Variants in SYNE1 observed in about 807,000 individuals in gnomAD.
SYNE1 encodes nesprin-1.
A neutral mutation model predicts 1,111.0 loss-of-function variants in SYNE1; 616 were observed. The observed-to-expected ratio is 0.55, with a 90% CI of 0.52 to 0.59. The LOEUF is 0.59. Among genes scored for constraint, SYNE1 ranks in the 20% least tolerant of loss-of-function variants. The probability of loss-of-function intolerance (pLI) is 0.00; values close to 1 mark genes in which losing one functional copy is unlikely to be tolerated. For synonymous variants in SYNE1, 3,855 were observed against 3,825.8 expected, an observed-to-expected ratio of 1.01 and a Z score of -0.28; for missense variants, 10,006 against 10,417.0, an observed-to-expected ratio of 0.96 and a Z score of 1.72.
At chr6:152,335,627 A>G (rs1174351293) in intron 76 of SYNE1, 1 of 152,110 alleles carries the variant, frequency 6.6e-6, no homozygotes, top group Non-Finnish European at 1.5e-5. Flanking sequence ...CAGAGAAAAA[A>G]CATCTTTAAG....
At chr6:152,213,816 T>G in intron 122 of SYNE1, 57 bp from the exon 123 acceptor site, 19 of 1,604,792 alleles carry the variant, frequency 1.2e-5, no homozygotes, top group East Asian at 2.2e-5. Context: ...CTTACTTCTC[T>G]AGCATATAAA....
chr6:152,159,797 A>G (rs1409889178), intron 131 of SYNE1, among the ~76,000 whole-genome samples: 1 of 152,090 alleles, frequency 6.6e-6, no homozygotes, highest in African/African-American at 2.4e-5. Context: ...GTAATATATA[A>G]CTTCTCTATT....
At chr6:152,163,585 C>T (rs2062988864) in intron 131 of SYNE1, among the ~76,000 whole-genome samples, 1 of 151,966 alleles carries the variant, frequency 6.6e-6, no homozygotes, top group Non-Finnish European at 1.5e-5. Flanking sequence ...CAGGATCATC[C>T]CTTTTTGCTT....
chr6:152,498,865 T>A, intron 10 of SYNE1, 73 bp from the exon 11 acceptor site: 1 of 899,892 alleles, frequency 1.1e-6, no homozygotes, highest in Non-Finnish European at 1.6e-6. Context: ...AAAACAAGAA[T>A]AAAATCAATG....
chr6:152,498,826 A>G lies in SYNE1; in HGVS notation c.889-34T>C, dbSNP rs74438176. The G allele has an allele frequency of 1.1e-3, 1,433 of 1,252,184 alleles. 17 individuals are homozygous for G. In the African/African-American group the frequency reaches 0.02, roughly 17 times the overall value. 77.6% of individuals were successfully genotyped at this position (1,252,184 alleles called of 1,614,324 possible). A position where few individuals can be genotyped will look rare whatever the true frequency, so the allele number is the denominator to read the frequency against. On this transcript the variant is annotated intron_variant, in intron 10 of 145. Coordinates refer to ENST00000367255, the MANE Select transcript of SYNE1 (RefSeq NM_182961.4). ...ATGAAAAGATAATATATAGAAATAT[A>G]ATATAAATCAGGGTCAAAAATTATT... is the stretch of plus-strand genomic sequence containing the variant.
intron 3 of SYNE1, among the ~76,000 whole-genome samples, chr6:152,543,714 A>C (rs888754557): frequency 6.6e-6 from 1 of 152,218 alleles, no homozygotes; most frequent in Admixed American, 6.5e-5. Context: ...CAACTGAAAA[A>C]TTCCAGTTGT....
intron 71 of SYNE1, 94 bp downstream of exon 71, chr6:152,350,524 T>C: frequency 6.4e-7 from 1 of 1,556,676 alleles, no homozygotes; most frequent in Non-Finnish European, 8.8e-7. Flanking sequence ...TACTAACCCG[T>C]ACCAGGCCTT....
chr6:152,417,326 G>A (rs540559774), intron 40 of SYNE1, among the ~76,000 whole-genome samples: 46 of 152,234 alleles, frequency 3.0e-4, no homozygotes, highest in African/African-American at 1.0e-3. Context: ...GTGAAACCCC[G>A]TCTCTACTAA....
chr6:152,184,948 T>C (rs2069380276), intron 128 of SYNE1, among the ~76,000 whole-genome samples: 1 of 152,178 alleles, frequency 6.6e-6, no homozygotes, highest in Non-Finnish European at 1.5e-5. Context: ...AGCACCTATT[T>C]ATGTTTTTGC....
At position 152,483,219 on chromosome 6, in the gene SYNE1, A is replaced by G; in HGVS notation, c.1216T>C (p.Ser406Pro). ...LFDWHIQLDK[S>P]LPAPLGTIGA... The stretch of plus-strand genomic sequence containing the variant: ...ATGGTGCCCAGAGGTGCAGGAAGAG[A>G]TTTATCAAGCTGTATATGCCAGTCA... Residue 406 changes from serine (S) to proline (P), a missense_variant, in exon 14 of 146, where the codon TCT (serine) becomes CCT (proline). This residue lies in a region of SYNE1 where 1,971 missense variants were observed against 2,084.1 expected (regional missense o/e 0.95). Transcript: ENST00000367255. 1.2e-6 allele frequency: 2 copies of G among 1,614,178 alleles called. No individual in the cohort carries two copies. Among genetic ancestry groups the G allele is most frequent in the Non-Finnish European group, 1.7e-6 (2 of 1,180,018 alleles).
chr6:152,188,666 A>G (rs1292234298), intron 128 of SYNE1, among the ~76,000 whole-genome samples: 3 of 151,978 alleles, frequency 2.0e-5, no homozygotes, highest in African/African-American at 7.2e-5. Flanking sequence ...TCTTAAAAAT[A>G]TTATGCCAGC....
At chr6:152,223,222 C>T (rs568208957) in intron 117 of SYNE1, among the ~76,000 whole-genome samples, 3 of 152,320 alleles carry the variant, frequency 2.0e-5, no homozygotes, top group South Asian at 2.1e-4. Flanking sequence ...TTACTATCCT[C>T]AGAAGAAGTT....
At position 152,401,261 on chromosome 6, in the gene SYNE1, G is replaced by A; in HGVS notation, c.6906C>T (p.Phe2302=). ...TEVAKGTLKD[F]TAQSTQVEKF... Reference sequence around the variant, plus strand: ...TCTCCACTTGTGTACTTTGAGCCGTGAAATCCTTCAGGGTTCCTTTTGCTA... The same window carrying A: ...TCTCCACTTGTGTACTTTGAGCCGTAAAATCCTTCAGGGTTCCTTTTGCTA... Residue 2302 remains phenylalanine (F), a synonymous_variant, in exon 47 of 146, where the codon TTC becomes TTT. Coordinates refer to ENST00000367255, the MANE Select transcript of SYNE1 (RefSeq NM_182961.4). The A allele has an allele frequency of 6.2e-7, 1 of 1,614,092 alleles. No individual in the cohort carries two copies.
At chr6:152,262,593 G>T (rs139417365) in intron 100 of SYNE1, among the ~76,000 whole-genome samples, 1 of 152,124 alleles carries the variant, frequency 6.6e-6, no homozygotes, top group African/African-American at 2.4e-5. Context: ...GGACACAGGA[G>T]GGTACAACAG....
At chr6:152,548,148 C>T (rs998587666) in intron 3 of SYNE1, among the ~76,000 whole-genome samples, 1 of 152,118 alleles carries the variant, frequency 6.6e-6, no homozygotes, top group Admixed American at 6.5e-5. Flanking sequence ...CATATGTGTC[C>T]AATGTTTGTT....
In SYNE1 at chr6:152,133,282, A is replaced by G; in HGVS notation, c.25995T>C (p.Ser8665=). The change falls in exon 143 of 146, where the codon AGT becomes AGC. Residue 8665 remains serine (S), a synonymous_variant. Coordinates refer to ENST00000367255, the MANE Select transcript of SYNE1 (RefSeq NM_182961.4). ...ATGTCTGTTTATTGCTTACCTGCTGACTACTTGACACGTCTAATAACTTCT... is the reference window on the plus strand; with the variant it reads ...ATGTCTGTTTATTGCTTACCTGCTGGCTACTTGACACGTCTAATAACTTCT... The part of the protein sequence containing the change: ...ELEKLLDVSS[S]QQDLSSWSSA... 6.2e-7 allele frequency: 1 copy of G among 1,614,104 alleles called. No homozygotes were observed. Among genetic ancestry groups the G allele is most frequent in the East Asian group, 2.2e-5 (1 of 44,876 alleles).
At chr6:152,468,334 C>T (rs2098783624) in intron 16 of SYNE1, among the ~76,000 whole-genome samples, 1 of 152,100 alleles carries the variant, frequency 6.6e-6, no homozygotes, top group Non-Finnish European at 1.5e-5. Flanking sequence ...GTTGCATTCA[C>T]ACAGTCCACA....
In SYNE1 at chr6:152,122,477, G is replaced by T; in HGVS notation, c.26353C>A (p.His8785Asn). The part of the protein sequence containing the change: ...ALSNNFARSF[H>N]PMLRYTNGPP... Reference sequence around the variant, plus strand: ...CCATTCGTGTATCTGAGCATGGGGTGGAATGACCGGGCAAAGTTGTTGGAG... The same window carrying T: ...CCATTCGTGTATCTGAGCATGGGGTTGAATGACCGGGCAAAGTTGTTGGAG... Residue 8785 changes from histidine (H) to asparagine (N), a missense_variant, in exon 146 of 146, where the codon CAC becomes AAC. His to Asn is a moderately conservative substitution (Grantham distance 68). Around this residue, in one of 7 missense-constraint regions of SYNE1, gnomAD observed 761 missense variants for 795.5 expected, o/e 0.96. Coordinates refer to ENST00000367255, the MANE Select transcript of SYNE1 (RefSeq NM_182961.4). 3 of 1,614,192 alleles carry T rather than the reference G, an allele frequency of 1.9e-6. No individual in the cohort carries two copies. The highest frequency in any genetic ancestry group is 1.1e-5 in the South Asian group (1 of 91,080).
intron 55 of SYNE1, chr6:152,381,619 A>T: frequency 1.8e-6 from 1 of 541,306 alleles, no homozygotes; most frequent in Non-Finnish European, 3.3e-6. Flanking sequence ...CCCTGAAATC[A>T]GGCATTATTC....
Sources: gnomAD v4.1 joint callset for allele counts (sites outside exome capture counted in the v4.1 genomes callset) on GRCh38, gnomAD v4.1.1 for gene constraint, gnomAD v4.1.1 regional missense constraint, MANE v1.5 for transcripts, NCBI Gene and HGNC (gene_info 2026-07-23, HGNC 2026-07-21) for gene names.